PDE7B: variants seen among roughly 807,000 people sequenced by gnomAD.
PDE7B encodes the protein 3',5'-cyclic-AMP phosphodiesterase 7B.
PDE7B carries 29 observed loss-of-function variants against 56.2 expected under a neutral mutation model. That is an observed-to-expected ratio of 0.52 (90% CI 0.38 to 0.70). The LOEUF is 0.70. Among genes scored for constraint, PDE7B ranks in the 30% least tolerant of loss-of-function variants. The pLI is 0.00. For missense variants in PDE7B, 490 were observed against 565.0 expected (o/e 0.87, Z 1.35); for synonymous variants, 197 against 196.9 (o/e 1.00, Z 0.00).
At position 136,108,761 on chromosome 6, in the gene PDE7B, TTCGTGC is replaced by T; in HGVS notation, c.115_120del (p.Arg39_Ala40del). ...ATACGACTAAGGGGTCAGACGGGGG[TTCGTGC>T]TGAACGCCGTGGCTCCTACCCATTC... On this transcript the variant is annotated inframe_deletion, in exon 3 of 13. Transcript: ENST00000308191. 1 of 1,612,076 alleles carries T rather than the reference TTCGTGC, an allele frequency of 6.2e-7. No individual in the cohort carries two copies. Among genetic ancestry groups the T allele is most frequent in the Non-Finnish European group, 8.5e-7 (1 of 1,178,198 alleles).
At chr6:136,181,138 G>T (rs914335505) in intron 10 of PDE7B, 89 bp from the exon 11 acceptor site, 1 of 882,788 alleles carries the variant, frequency 1.1e-6, no homozygotes, top group South Asian at 1.4e-5. Flanking sequence ...TGAGCAGACT[G>T]AACAGCTTGA....
chr6:136,102,610 AG>A (rs1253208862), intron 2 of PDE7B, among the ~76,000 whole-genome samples: 7 of 152,144 alleles, frequency 4.6e-5, no homozygotes, highest in African/African-American at 1.7e-4. Flanking sequence ...TGTTCTTTTA[AG>A]GTCTTTTACA....
rs766005431 is a variant in PDE7B, at chr6:136,154,185, G to A, written c.579+10G>A. On this transcript the variant is annotated intron_variant, in intron 7 of 12. Transcript: ENST00000308191. Reference sequence around the variant, plus strand: ...CCTGAAAGAGCCAAAGGTAAGACAAGACCCAGCTGCCTCCTCAGCCACCTG... The same window carrying A: ...CCTGAAAGAGCCAAAGGTAAGACAAAACCCAGCTGCCTCCTCAGCCACCTG... The A allele has an allele frequency of 5.0e-6, 8 of 1,586,610 alleles. No individual in the cohort carries two copies. In the Admixed American group the frequency reaches 8.4e-5, roughly 17 times the overall value.
chr6:136,108,319 GA>G (rs1777685693), intron 2 of PDE7B, among the ~76,000 whole-genome samples: 1 of 152,048 alleles, frequency 6.6e-6, no homozygotes, highest in Non-Finnish European at 1.5e-5. Context: ...ATGCCAGTCA[GA>G]AAACAATTGT....
chr6:136,133,599 A>C (rs1276007863), intron 3 of PDE7B, among the ~76,000 whole-genome samples: 1 of 152,166 alleles, frequency 6.6e-6, no homozygotes, highest in Admixed American at 6.5e-5. Flanking sequence ...ACACTTCAAT[A>C]AATAGTCATC....
intron 2 of PDE7B, among the ~76,000 whole-genome samples, chr6:136,017,513 C>G (rs1206001254): frequency 7.1e-6 from 1 of 140,230 alleles, no homozygotes; most frequent in Non-Finnish European, 1.6e-5. Context: ...ACGACAGGCC[C>G]CGGTGTGTGA....
At chr6:136,025,235 G>A (rs562883651) in intron 2 of PDE7B, among the ~76,000 whole-genome samples, 1 of 152,254 alleles carries the variant, frequency 6.6e-6, no homozygotes, top group East Asian at 1.9e-4. Flanking sequence ...GTGCTTTAAG[G>A]AAGATATCAA....
chr6:135,993,654 C>T (rs1441994297), intron 2 of PDE7B, among the ~76,000 whole-genome samples: 1 of 152,188 alleles, frequency 6.6e-6, no homozygotes, highest in Non-Finnish European at 1.5e-5. Context: ...CTTGTGTCTA[C>T]TCAGGAATTC....
intron 3 of PDE7B, among the ~76,000 whole-genome samples, chr6:136,136,494 A>C (rs1778213244): frequency 6.6e-6 from 1 of 152,068 alleles, no homozygotes; most frequent in Non-Finnish European, 1.5e-5. Context: ...CAAAAGTCAA[A>C]ACAAGCAAAG....
intron 1 of PDE7B, among the ~76,000 whole-genome samples, chr6:135,857,615 C>G (rs963288034): frequency 2.6e-5 from 4 of 152,020 alleles, no homozygotes; most frequent in Non-Finnish European, 4.4e-5. Context: ...CTCTTTGACT[C>G]TAGCAAATCT....
In PDE7B at chr6:136,005,241, C is replaced by T. The variant is rs182594321; in HGVS notation, c.82+57717C>T. Among the ~76,000 whole-genome samples, 605 of 152,204 alleles carry T rather than the reference C, an allele frequency of 4.0e-3. 3 individuals carry two copies. Among genetic ancestry groups the T allele is most frequent in the Non-Finnish European group, 4.4e-3 (302 of 68,014 alleles). On this transcript the variant is annotated intron_variant, in intron 2 of 12. Transcript: ENST00000308191. ...AAGACTTAAATGTTAGACCTAAAAC[C>T]GTAAAAACCGTAGAAGAAAACCTAG...
intron 2 of PDE7B, among the ~76,000 whole-genome samples, chr6:136,014,342 C>T (rs1775940637): frequency 6.6e-6 from 1 of 152,152 alleles, no homozygotes. Context: ...TATTTTTTAA[C>T]AAATATTTCA....
chr6:135,948,738 C>T (rs1774633809), intron 2 of PDE7B, among the ~76,000 whole-genome samples: 3 of 151,576 alleles, frequency 2.0e-5, no homozygotes, highest in Admixed American at 2.0e-4. Flanking sequence ...AGCACATGAA[C>T]GAAGAATATA....
intron 3 of PDE7B, among the ~76,000 whole-genome samples, chr6:136,131,603 T>C (rs1778119689): frequency 6.6e-6 from 1 of 151,270 alleles, no homozygotes; most frequent in Non-Finnish European, 1.5e-5. Flanking sequence ...ACAAAAATAT[T>C]TGTCTTTTCC....
chr6:135,853,958 A>G lies in PDE7B; in HGVS notation c.21+1939A>G, dbSNP rs952730975. Among the ~76,000 whole-genome samples the G allele has an allele frequency of 5.9e-5, 9 of 152,184 alleles. No homozygotes were observed. The South Asian group carries it at 8.3e-4, about 14-fold the overall frequency. On this transcript the variant is annotated intron_variant, in intron 1 of 12. Coordinates refer to ENST00000308191, the MANE Select transcript of PDE7B (RefSeq NM_018945.4). ...TTATTTAAATAATTTTGGTCTTTTCATGTGTTTTTGAAAAGCACTTTTGGT... is the reference window on the plus strand; with the variant it reads ...TTATTTAAATAATTTTGGTCTTTTCGTGTGTTTTTGAAAAGCACTTTTGGT...
chr6:136,148,995 C>G, intron 4 of PDE7B, 92 bp from the exon 5 acceptor site: 1 of 909,340 alleles, frequency 1.1e-6, no homozygotes, highest in Non-Finnish European at 1.8e-6. Flanking sequence ...GGATTTTCAA[C>G]TTTTTAATTG....
chr6:135,950,357 AT>A (rs984465032), intron 2 of PDE7B, among the ~76,000 whole-genome samples: 2 of 152,114 alleles, frequency 1.3e-5, no homozygotes, highest in African/African-American at 4.8e-5. Flanking sequence ...TTCCTAAAGC[AT>A]TTTTTGAGAA....
At chr6:136,118,028 A>C (rs139853825) in intron 3 of PDE7B, among the ~76,000 whole-genome samples, 1 of 152,312 alleles carries the variant, frequency 6.6e-6, no homozygotes, top group East Asian at 1.9e-4. Context: ...GCAAGATTTT[A>C]ATTTGATTGG....
At chr6:136,162,424 A>G (rs572669669) in intron 8 of PDE7B, 1 of 152,300 alleles carries the variant, frequency 6.6e-6, no homozygotes, top group East Asian at 1.9e-4. Context: ...TGAGAACAGC[A>G]TGGGGGACCA....
Sources: gnomAD v4.1 joint callset for allele counts (sites outside exome capture counted in the v4.1 genomes callset) on GRCh38, gnomAD v4.1.1 for gene constraint, MANE v1.5 for transcripts, NCBI Gene and HGNC (gene_info 2026-07-23, HGNC 2026-07-21) for gene names.